Variants in RAB25 observed in about 807,000 individuals in gnomAD.
RAB25 encodes RAB25, member RAS oncogene family, also known as ras-related protein Rab-25.
A neutral mutation model predicts 25.2 loss-of-function variants in RAB25; 23 were observed. The observed-to-expected ratio is 0.91, with a 90% CI of 0.66 to 1.29. RAB25 has a LOEUF of 1.29. Ranked by LOEUF, RAB25 falls within the 50% of genes most tolerant of loss-of-function variation. RAB25 has a pLI of 0.00. For missense variants in RAB25, 244 were observed against 277.3 expected, an observed-to-expected ratio of 0.88 and a Z score of 0.85; for synonymous variants, 102 against 111.5, an observed-to-expected ratio of 0.91 and a Z score of 0.54.
chr1:156,061,248 C>T lies in RAB25; in HGVS notation c.-153C>T. 2.6e-6 allele frequency: 2 copies of T among 765,234 alleles called. No homozygotes were observed. The allele number at this position is 765,234 out of a possible 1,614,324, so 47.4% of individuals were successfully genotyped here. ...GCCCTGCCTAACCTTGAGTTGGCCC[C>T]CAATCCCTCTGGCTGCAGAAGTCCC... On this transcript the variant is annotated 5_prime_UTR_variant, in exon 1 of 5. Transcript: ENST00000361084.
chr1:156,061,244 G>C lies in RAB25; in HGVS notation c.-157G>C. 1.4e-6 allele frequency: 1 copy of C among 729,548 alleles called. No homozygotes were observed. Among genetic ancestry groups the C allele is most frequent in the Non-Finnish European group, 2.4e-6 (1 of 421,086 alleles). 45.2% of individuals were successfully genotyped at this position (729,548 alleles called of 1,614,324 possible). A position where few individuals can be genotyped will look rare whatever the true frequency, so the allele number is the denominator to read the frequency against. On this transcript the variant is annotated 5_prime_UTR_variant, in exon 1 of 5. Transcript: ENST00000361084. ...CTAGGCCCTGCCTAACCTTGAGTTG[G>C]CCCCCAATCCCTCTGGCTGCAGAAG...
intron 4 of RAB25, 132 bp downstream of exon 4, chr1:156,069,883 T>A: frequency 1.1e-6 from 1 of 933,360 alleles, no homozygotes; most frequent in Admixed American, 1.8e-5. Flanking sequence ...CACCACTGCC[T>A]GTCCCCCTCA....
Position 156,061,285 on chromosome 1 carries a change from T to C in RAB25, c.-116T>C. 1 of 1,080,926 alleles carries C rather than the reference T, an allele frequency of 9.3e-7. No homozygotes were observed. The highest frequency in any genetic ancestry group is 1.4e-6 in the Non-Finnish European group (1 of 710,422). 67.0% of individuals were successfully genotyped at this position (1,080,926 alleles called of 1,614,324 possible). A position where few individuals can be genotyped will look rare whatever the true frequency, so the allele number is the denominator to read the frequency against. On this transcript the variant is annotated 5_prime_UTR_variant, in exon 1 of 5. It removes an upstream start codon present in the reference 5' UTR. Transcript: ENST00000361084. ...GCTGCAGAAGTCCCCTTACCCCCAATGAGAGGAGGGGCAGGACCAGATCTT... is the reference window on the plus strand; with the variant it reads ...GCTGCAGAAGTCCCCTTACCCCCAACGAGAGGAGGGGCAGGACCAGATCTT...
At chr1:156,061,534 C>A in intron 1 of RAB25, 91 bp downstream of exon 1, 2 of 1,365,894 alleles carry the variant, frequency 1.5e-6, no homozygotes, top group Non-Finnish European at 2.1e-6. Flanking sequence ...GTTTTTTTAT[C>A]TCTTACCAAG....
intron 1 of RAB25, among the ~76,000 whole-genome samples, chr1:156,062,654 A>G (rs1647617997): frequency 6.6e-6 from 1 of 152,174 alleles, no homozygotes. Context: ...TACCTCATTA[A>G]TACCATAACA....
chr1:156,070,096 G>A, intron 4 of RAB25, 64 bp from the exon 5 acceptor site: 3 of 1,613,040 alleles, frequency 1.9e-6, no homozygotes, highest in Non-Finnish European at 2.5e-6. Context: ...GTATGGGGGG[G>A]TTGGGGAGAA....
chr1:156,069,789 C>A, intron 4 of RAB25, 38 bp downstream of exon 4: 1 of 1,537,422 alleles, frequency 6.5e-7, no homozygotes, highest in Non-Finnish European at 9.0e-7. Flanking sequence ...CTATTCCATC[C>A]CCGTGGCTTC....
chr1:156,069,839 C>T (rs897289927), intron 4 of RAB25, 88 bp downstream of exon 4: 1 of 1,220,326 alleles, frequency 8.2e-7, no homozygotes, highest in Non-Finnish European at 1.2e-6. Context: ...AGCCCTCACC[C>T]CAGCTAATTT....
rs61748951 is a variant in RAB25 at position 156,068,267 on chromosome 1, C to A, written c.240-3C>A. 0.019 allele frequency: 30,958 copies of A among 1,608,014 alleles called. 370 individuals are homozygous for A. The highest frequency in any genetic ancestry group is 0.024 in the Non-Finnish European group (27,832 of 1,174,624). On this transcript the variant is annotated splice_region_variant and splice_polypyrimidine_tract_variant and intron_variant, in intron 2 of 4. Transcript: ENST00000361084. ...TCTGTCCATCCTTCTCATTCCCACC[C>A]AGGTACTATCGTGGTGCAGTGGGGG...
At chr1:156,061,941 C>A (rs975040378) in intron 1 of RAB25, among the ~76,000 whole-genome samples, 15 of 152,136 alleles carry the variant, frequency 9.9e-5, no homozygotes, top group Non-Finnish European at 7.3e-5. Flanking sequence ...CCTGCCACCA[C>A]GCCCGGCTTA....
At chr1:156,067,440 C>T (rs1647775618) in intron 2 of RAB25, among the ~76,000 whole-genome samples, 1 of 152,166 alleles carries the variant, frequency 6.6e-6, no homozygotes, top group African/African-American at 2.4e-5. Context: ...AGTTAGACAT[C>T]ACTAGTCTGA....
chr1:156,068,848 C>T (rs1647828604), intron 3 of RAB25, among the ~76,000 whole-genome samples: 1 of 151,764 alleles, frequency 6.6e-6, no homozygotes, highest in Non-Finnish European at 1.5e-5. Flanking sequence ...GCCACCATGC[C>T]TGGCTAATTT....
intron 1 of RAB25, among the ~76,000 whole-genome samples, chr1:156,063,247 G>A (rs749233957): frequency 2.0e-5 from 3 of 151,878 alleles, no homozygotes; most frequent in Non-Finnish European, 4.4e-5. Flanking sequence ...CCGCCTCCTG[G>A]GTTCAAGCGA....
At chr1:156,068,045 G>A (rs1647794030) in intron 2 of RAB25, among the ~76,000 whole-genome samples, 1 of 152,150 alleles carries the variant, frequency 6.6e-6, no homozygotes, top group African/African-American at 2.4e-5. Flanking sequence ...GAGCCACCGC[G>A]CCTGGCCGAG....
In RAB25 at chr1:156,070,497, T is replaced by C; in HGVS notation, c.*210T>C. 1 of 615,650 alleles carries C rather than the reference T, an allele frequency of 1.6e-6. No homozygotes were observed. Among genetic ancestry groups the C allele is most frequent in the Admixed American group, 3.2e-5 (1 of 31,666 alleles). 38.1% of individuals were successfully genotyped at this position (615,650 alleles called of 1,614,324 possible). ...CTAGGACCCTCAAATAAAGCTGTTT[T>C]ATATCAATGCCTGGTCATTCCACTG... On this transcript the variant is annotated 3_prime_UTR_variant, in exon 5 of 5. Transcript: ENST00000361084.
At chr1:156,067,585 G>A (rs763465686) in intron 2 of RAB25, among the ~76,000 whole-genome samples, 1 of 152,220 alleles carries the variant, frequency 6.6e-6, no homozygotes, top group Non-Finnish European at 1.5e-5. Flanking sequence ...ACAGGCCACT[G>A]TTAAGGAGCC....
chr1:156,063,528 C>T (rs1647654137), intron 1 of RAB25, among the ~76,000 whole-genome samples: 1 of 152,194 alleles, frequency 6.6e-6, no homozygotes, highest in East Asian at 1.9e-4. Context: ...AGTCAAACAG[C>T]AACACAGGCT....
chr1:156,062,776 G>A (rs1452534707), intron 1 of RAB25, among the ~76,000 whole-genome samples: 4 of 152,046 alleles, frequency 2.6e-5, no homozygotes, highest in Non-Finnish European at 4.4e-5. Context: ...TTGGTCAGCC[G>A]GGTGCAGTGG....
chr1:156,070,292 G>C lies in RAB25; in HGVS notation c.*5G>C. On this transcript the variant is annotated 3_prime_UTR_variant, in exon 5 of 5. Coordinates refer to ENST00000361084, the MANE Select transcript of RAB25 (RefSeq NM_020387.4). The stretch of plus-strand genomic sequence containing the variant: ...GCCTGTTGCATCAGCCTCTGACCTT[G>C]GCCAGCACCACCTGCCCCCACTGGC... The C allele has an allele frequency of 1.2e-6, 2 of 1,612,430 alleles. No homozygotes were observed. The highest frequency in any genetic ancestry group is 1.7e-6 in the Non-Finnish European group (2 of 1,178,760).
Sources: allele counts gnomAD v4.1 joint callset (sites outside exome capture counted in the v4.1 genomes callset), GRCh38; gene constraint gnomAD v4.1.1; transcripts MANE v1.5; gene names NCBI Gene and HGNC (gene_info 2026-07-23, HGNC 2026-07-21).